COQ8A: variants seen among roughly 807,000 people sequenced by gnomAD.
The protein encoded by COQ8A is atypical kinase COQ8A, mitochondrial.
COQ8A carries 51 observed loss-of-function variants against 65.0 expected under a neutral mutation model. The ratio of observed to expected loss-of-function variants is 0.78; its 90% CI spans 0.63 to 0.99. The LOEUF (loss-of-function observed/expected upper bound fraction) is 0.99, where lower values mean the gene tolerates loss of function less well. Among genes scored for constraint, COQ8A ranks in the 50% least tolerant of loss-of-function variants. The pLI, the probability that COQ8A is intolerant of heterozygous loss-of-function variation, is 0.00. For missense variants in COQ8A, 940 were observed against 875.0 expected (o/e 1.07, Z -0.94); for synonymous variants, 371 against 353.2 (o/e 1.05, Z -0.57).
intron 5 of COQ8A, among the ~76,000 whole-genome samples, chr1:226,977,897 C>G (rs1329426191): frequency 2.7e-5 from 4 of 150,810 alleles, no homozygotes; most frequent in African/African-American, 9.8e-5. Flanking sequence ...CCCTTCCACA[C>G]CCAGCGAACA....
chr1:226,941,279 A>G (rs952823993), intron 1 of COQ8A, among the ~76,000 whole-genome samples: 5 of 152,224 alleles, frequency 3.3e-5, no homozygotes, highest in African/African-American at 9.6e-5. Context: ...TCTACGTGAC[A>G]GGATTGAGTA....
Position 226,986,551 on chromosome 1 carries a change from G to A in COQ8A, c.1758G>A (p.Lys586=), listed in dbSNP as rs771285330. 2 of 1,614,030 alleles carry A rather than the reference G, an allele frequency of 1.2e-6. No homozygotes were observed. Among genetic ancestry groups the A allele is most frequent in the Non-Finnish European group, 1.7e-6 (2 of 1,180,010 alleles). Residue 586 remains lysine (K), a synonymous_variant, in exon 15 of 15, where the codon AAG becomes AAA. Coordinates refer to ENST00000366777, the MANE Select transcript of COQ8A (RefSeq NM_020247.5). ...FDFGTQSTTE[K]IHNLIPVMLR... ...TTGGCACTCAGAGCACCACCGAGAAGATCCACAACCTGATTCCCGTCATGC... is the reference window on the plus strand; with the variant it reads ...TTGGCACTCAGAGCACCACCGAGAAAATCCACAACCTGATTCCCGTCATGC...
intron 1 of COQ8A, among the ~76,000 whole-genome samples, chr1:226,958,739 C>G (rs1657968196): frequency 1.3e-5 from 2 of 152,188 alleles, no homozygotes; most frequent in Admixed American, 1.3e-4. Flanking sequence ...TTGGCTGCCC[C>G]TCCTCAGAGG....
chr1:226,974,496 G>A (rs988208905), intron 4 of COQ8A, among the ~76,000 whole-genome samples: 2 of 152,198 alleles, frequency 1.3e-5, no homozygotes, highest in Admixed American at 6.5e-5. Flanking sequence ...TGCCGAGTGG[G>A]GTCCCACGAG....
intron 4 of COQ8A, among the ~76,000 whole-genome samples, chr1:226,966,405 T>C (rs1658571326): frequency 6.6e-6 from 1 of 152,272 alleles, no homozygotes; most frequent in African/African-American, 2.4e-5. Context: ...ATGTTTGTCA[T>C]GCTGCTGCTA....
At chr1:226,951,309 G>A (rs191084127) in intron 1 of COQ8A, among the ~76,000 whole-genome samples, 5 of 152,338 alleles carry the variant, frequency 3.3e-5, no homozygotes, top group South Asian at 4.1e-4. Context: ...GACCAACAAC[G>A]TGGAGGGGAA....
chr1:226,950,048 A>G (rs1657280238), intron 1 of COQ8A, among the ~76,000 whole-genome samples: 1 of 152,206 alleles, frequency 6.6e-6, no homozygotes, highest in African/African-American at 2.4e-5. Context: ...TTTAGTCAGA[A>G]AACTAAATTG....
Position 226,972,408 on chromosome 1 carries a change from G to A in COQ8A, c.656-5041G>A, listed in dbSNP as rs1012579456. Among the ~76,000 whole-genome samples the A allele has an allele frequency of 1.3e-5, 2 of 152,144 alleles. No homozygotes were observed. Among genetic ancestry groups the A allele is most frequent in the African/African-American group, 4.8e-5 (2 of 41,416 alleles). On this transcript the variant is annotated intron_variant, in intron 4 of 14. Coordinates refer to ENST00000366777, the MANE Select transcript of COQ8A (RefSeq NM_020247.5). The surrounding 1 kb of genome is among the most constrained non-coding windows in gnomAD (Gnocchi z 4.3). ...TCATATGAGAAAAAGCAGGTCAGTG[G>A]GCCAGGAATGAAGAGTAGAGGGAAT...
chr1:226,983,758 C>T lies in COQ8A; in HGVS notation c.1163-3C>T. 2.5e-6 allele frequency: 4 copies of T among 1,613,168 alleles called. No homozygotes were observed. Among genetic ancestry groups the T allele is most frequent in the Non-Finnish European group, 3.4e-6 (4 of 1,179,998 alleles). Reference sequence around the variant, plus strand: ...CTCGCTGATGCCCTCCTCCCTGGCCCAGGCCTGTTCCCCGAGCACCTGATC... The same window carrying T: ...CTCGCTGATGCCCTCCTCCCTGGCCTAGGCCTGTTCCCCGAGCACCTGATC... On this transcript the variant is annotated splice_region_variant and splice_polypyrimidine_tract_variant and intron_variant, in intron 9 of 14. Coordinates refer to ENST00000366777, the MANE Select transcript of COQ8A (RefSeq NM_020247.5).
At chr1:226,982,260 A>C in intron 6 of COQ8A, 111 bp downstream of exon 6, 1 of 1,445,604 alleles carries the variant, frequency 6.9e-7, no homozygotes, top group Non-Finnish European at 9.3e-7. Flanking sequence ...AGATGTGAGC[A>C]GGCTGGGGAG....
chr1:226,970,911 T>C (rs145946063), intron 4 of COQ8A, among the ~76,000 whole-genome samples: 214 of 152,228 alleles, frequency 1.4e-3, no homozygotes, highest in African/African-American at 4.6e-3. Context: ...AGTCTGTTAA[T>C]CATGAATTCT....
Position 226,986,797 on chromosome 1 carries a change from A to AC in COQ8A, c.*62dup. On this transcript the variant is annotated 3_prime_UTR_variant, in exon 15 of 15. Coordinates refer to ENST00000366777, the MANE Select transcript of COQ8A (RefSeq NM_020247.5). ...ACTCTCTCCCTCAGACAGGCCAAAA[A>AC]CCAGTAGCGAGGTCGTGGTGATGCT... The AC allele has an allele frequency of 6.3e-7, 1 of 1,575,586 alleles. No homozygotes were observed. The highest frequency in any genetic ancestry group is 8.6e-7 in the Non-Finnish European group (1 of 1,164,712).
chr1:226,976,693 C>T (rs74346270), intron 4 of COQ8A, among the ~76,000 whole-genome samples: 118 of 152,276 alleles, frequency 7.7e-4, no homozygotes, highest in African/African-American at 2.8e-3. Flanking sequence ...GAGTGGCTTT[C>T]TTGAGCAGCT....
At chr1:226,960,189 TGTG>T (rs751255656) in intron 1 of COQ8A, among the ~76,000 whole-genome samples, 282 of 106,244 alleles carry the variant, frequency 2.7e-3, no homozygotes, top group South Asian at 5.2e-3. Flanking sequence ...TGATGGTACT[TGTG>T]GTGGTGGTAC....
intron 2 of COQ8A, among the ~76,000 whole-genome samples, chr1:226,964,439 T>G (rs995573385): frequency 6.6e-6 from 1 of 152,192 alleles, no homozygotes; most frequent in Non-Finnish European, 1.5e-5. Context: ...TCCATTTCCC[T>G]GTACCCTGAG....
At chr1:226,943,884 G>A (rs940938367) in intron 1 of COQ8A, among the ~76,000 whole-genome samples, 9 of 151,820 alleles carry the variant, frequency 5.9e-5, no homozygotes, top group Non-Finnish European at 1.2e-4. Flanking sequence ...GATGCGGTAT[G>A]TGTGTGTGTA....
At chr1:226,986,027 C>T (rs1169548729) in intron 14 of COQ8A, among the ~76,000 whole-genome samples, 4 of 152,172 alleles carry the variant, frequency 2.6e-5, no homozygotes, top group East Asian at 1.9e-4. Context: ...GCTCTGCTGG[C>T]GGCGGCTTCC....
chr1:226,957,352 C>T (rs968127647), intron 1 of COQ8A, among the ~76,000 whole-genome samples: 4 of 138,474 alleles, frequency 2.9e-5, no homozygotes, highest in Admixed American at 1.6e-4. Flanking sequence ...TTGCTTCTAG[C>T]TTCTTATACC....
At chr1:226,941,334 T>G (rs1006765442) in intron 1 of COQ8A, among the ~76,000 whole-genome samples, 8 of 152,192 alleles carry the variant, frequency 5.3e-5, no homozygotes, top group African/African-American at 1.9e-4. Context: ...ATTTGAACAT[T>G]CCTTGATGCC....
Sources: gnomAD v4.1 joint callset for allele counts (sites outside exome capture counted in the v4.1 genomes callset) on GRCh38, gnomAD v4.1.1 for gene constraint, Gnocchi (gnomAD v3.1) non-coding constraint, MANE v1.5 for transcripts, NCBI Gene and HGNC (gene_info 2026-07-23, HGNC 2026-07-21) for gene names.